The following ACVR2A variants were observed in gnomAD, a reference collection of about 807,000 sequenced individuals.
ACVR2A encodes activin receptor type-2A.
ACVR2A carries 7 observed loss-of-function variants against 61.4 expected under a neutral mutation model. That is an observed-to-expected ratio of 0.11 (90% CI 0.06 to 0.21). The LOEUF is 0.21. Among genes scored for constraint, ACVR2A ranks in the 10% least tolerant of loss-of-function variants. ACVR2A has a pLI of 1.00. For missense variants in ACVR2A, 322 were observed against 621.7 expected, an observed-to-expected ratio of 0.52 and a Z score of 5.13; for synonymous variants, 193 against 208.3, an observed-to-expected ratio of 0.93 and a Z score of 0.63.
chr2:147,879,394 C>T (rs142725095), intron 1 of ACVR2A, among the ~76,000 whole-genome samples: 10 of 152,274 alleles, frequency 6.6e-5, no homozygotes, highest in African/African-American at 9.6e-5. Context: ...GTGACCTAAA[C>T]GCCACCATTA....
rs1280209535 is a variant in ACVR2A, at chr2:147,928,090, C to A, written c.*816C>A. ...GTGCTGTTTTTTGAAAAGATGGTGT[C>A]ATTTCCCCCTTCTTCCCATGTTTTA... On this transcript the variant is annotated 3_prime_UTR_variant, in exon 11 of 11. Coordinates refer to ENST00000241416, the MANE Select transcript of ACVR2A (RefSeq NM_001616.5). 2 of 152,178 alleles carry A rather than the reference C, an allele frequency of 1.3e-5. No homozygotes were observed. 9.4% of individuals were successfully genotyped at this position (152,178 alleles called of 1,614,324 possible).
At chr2:147,880,035 GTT>G (rs1005652680) in intron 1 of ACVR2A, among the ~76,000 whole-genome samples, 9 of 152,000 alleles carry the variant, frequency 5.9e-5, no homozygotes, top group Non-Finnish European at 1.3e-4. Flanking sequence ...TGGTTTTATT[GTT>G]TTACTGATTA....
At chr2:147,917,482 T>TG in intron 6 of ACVR2A, 56 bp downstream of exon 6, 1 of 1,575,590 alleles carries the variant, frequency 6.3e-7, no homozygotes, top group Non-Finnish European at 8.7e-7. Context: ...GCCTACCTAA[T>TG]GCTGGCTATA....
intron 9 of ACVR2A, 174 bp from the exon 10 acceptor site, chr2:147,925,857 T>C: frequency 1.8e-6 from 1 of 549,214 alleles, no homozygotes; most frequent in Non-Finnish European, 3.1e-6. Flanking sequence ...TTCCCATACA[T>C]TAGTTTGGTC....
intron 1 of ACVR2A, among the ~76,000 whole-genome samples, chr2:147,870,667 C>T (rs1003420003): frequency 3.3e-5 from 5 of 152,010 alleles, no homozygotes; most frequent in African/African-American, 1.2e-4. Flanking sequence ...AACTGTTTAC[C>T]CTGATTTATC....
At chr2:147,873,102 T>C (rs1015407214) in intron 1 of ACVR2A, among the ~76,000 whole-genome samples, 2 of 151,888 alleles carry the variant, frequency 1.3e-5, no homozygotes, top group Non-Finnish European at 1.5e-5. Context: ...TGGTACAACA[T>C]TGAGGAAATG....
intron 1 of ACVR2A, among the ~76,000 whole-genome samples, chr2:147,856,936 T>G (rs1685594505): frequency 6.6e-6 from 1 of 152,188 alleles, no homozygotes; most frequent in Middle Eastern, 3.2e-3. Flanking sequence ...ATTGTAGTTT[T>G]TGTTAAAATG....
At chr2:147,911,874 G>C (rs1687126866) in intron 4 of ACVR2A, among the ~76,000 whole-genome samples, 1 of 151,786 alleles carries the variant, frequency 6.6e-6, no homozygotes, top group African/African-American at 2.4e-5. Context: ...ACCTTGTATT[G>C]GTTAATTTTT....
chr2:147,886,150 T>TA (rs1291140834), intron 1 of ACVR2A, among the ~76,000 whole-genome samples: 5 of 152,010 alleles, frequency 3.3e-5, no homozygotes, highest in Admixed American at 1.3e-4. Flanking sequence ...TCTTGATACT[T>TA]AAAAAAAACT....
intron 1 of ACVR2A, among the ~76,000 whole-genome samples, chr2:147,871,161 CAT>C (rs1449685296): frequency 1.3e-5 from 2 of 151,882 alleles, no homozygotes; most frequent in Non-Finnish European, 2.9e-5. Context: ...GCCTAGAGCT[CAT>C]GTGTGGAAAG....
intron 1 of ACVR2A, among the ~76,000 whole-genome samples, chr2:147,871,016 A>T (rs1302054594): frequency 1.3e-5 from 2 of 152,032 alleles, no homozygotes; most frequent in Non-Finnish European, 2.9e-5. Flanking sequence ...GATATGTTTG[A>T]TATTCAGAAT....
chr2:147,845,255 C>G (rs775933548), intron 1 of ACVR2A, 48 bp downstream of exon 1: 2 of 1,571,722 alleles, frequency 1.3e-6, no homozygotes, highest in South Asian at 2.2e-5. Context: ...GCGGCCGCGG[C>G]GGCCGCTGCT....
At chr2:147,899,640 A>C (rs1686825437) in intron 3 of ACVR2A, 73 bp downstream of exon 3, 1 of 1,580,940 alleles carries the variant, frequency 6.3e-7, no homozygotes, top group African/African-American at 1.4e-5. Flanking sequence ...TGTTGATGGA[A>C]TAATTTGCCC....
At position 147,925,950 on chromosome 2, in the gene ACVR2A, A is replaced by G. The variant is rs1687490537; in HGVS notation, c.1217-81A>G. ...AACAGTTGGGAATAGGTGACAGAGT[A>G]TATTTTAGAAAGTTTGTACCAGTTT... On this transcript the variant is annotated intron_variant, in intron 9 of 10. Transcript: ENST00000241416. 6 of 1,404,676 alleles carry G rather than the reference A, an allele frequency of 4.3e-6. No individual in the cohort carries two copies. The Admixed American group carries it at 9.9e-5, about 23-fold the overall frequency. 87.0% of individuals were successfully genotyped at this position (1,404,676 alleles called of 1,614,324 possible).
chr2:147,914,396 G>A (rs994638131), intron 4 of ACVR2A, among the ~76,000 whole-genome samples: 1 of 151,932 alleles, frequency 6.6e-6, no homozygotes, highest in African/African-American at 2.4e-5. Context: ...TGTAGATGCT[G>A]TATTCCTATT....
intron 2 of ACVR2A, among the ~76,000 whole-genome samples, chr2:147,897,472 G>A (rs1686765886): frequency 6.6e-6 from 1 of 152,088 alleles, no homozygotes; most frequent in Admixed American, 6.5e-5. Flanking sequence ...TAGCTGTTAG[G>A]GTGATCCCTT....
upstream of ACVR2A, chr2:147,844,930 T>C (rs1685259320): frequency 4.2e-6 from 2 of 481,054 alleles, no homozygotes; most frequent in Non-Finnish European, 7.2e-6. Flanking sequence ...TGGCGGTTTT[T>C]CCCCCGTGGT....
At chr2:147,892,814 AT>A (rs879448232) in intron 1 of ACVR2A, among the ~76,000 whole-genome samples, 330 of 147,356 alleles carry the variant, frequency 2.2e-3, no homozygotes, top group African/African-American at 6.1e-3. Flanking sequence ...TATTTTAATA[AT>A]TTTTTTTTTT....
At chr2:147,923,589 T>C (rs550276408) in intron 9 of ACVR2A, among the ~76,000 whole-genome samples, 31 of 152,172 alleles carry the variant, frequency 2.0e-4, no homozygotes, top group South Asian at 1.2e-3. Context: ...TCAAGTCTTA[T>C]AGATATTTGC....
Sources: allele counts gnomAD v4.1 joint callset (sites outside exome capture counted in the v4.1 genomes callset), GRCh38; gene constraint gnomAD v4.1.1; transcripts MANE v1.5; gene names NCBI Gene and HGNC (gene_info 2026-07-23, HGNC 2026-07-21).